The following CLSTN2 variants were observed in gnomAD, a reference collection of about 807,000 sequenced individuals.
CLSTN2 encodes the protein calsyntenin-2.
In CLSTN2, 48 loss-of-function variants were observed where a neutral mutation model predicts 101.2. That is an observed-to-expected ratio of 0.47 (90% CI 0.38 to 0.60). The LOEUF is 0.60. Among genes scored for constraint, CLSTN2 ranks in the 20% least tolerant of loss-of-function variants. CLSTN2 has a pLI of 0.00. For synonymous variants in CLSTN2, 481 were observed against 463.6 expected (o/e 1.04, Z -0.48); for missense variants, 1,160 against 1,238.2 (o/e 0.94, Z 0.95).
chr3:140,439,157 G>A (rs2088717778), intron 5 of CLSTN2, among the ~76,000 whole-genome samples: 1 of 152,230 alleles, frequency 6.6e-6, no homozygotes, highest in Non-Finnish European at 1.5e-5. Flanking sequence ...CATGGGGAAG[G>A]CCAAAGCCTT....
At chr3:140,222,404 G>A (rs1158147538) in intron 2 of CLSTN2, among the ~76,000 whole-genome samples, 3 of 152,110 alleles carry the variant, frequency 2.0e-5, no homozygotes, top group South Asian at 2.1e-4. Context: ...ATAAGGCCTA[G>A]TATTTGATAG....
chr3:140,499,388 C>T (rs1337881910), intron 8 of CLSTN2, among the ~76,000 whole-genome samples: 3 of 152,228 alleles, frequency 2.0e-5, no homozygotes, highest in Non-Finnish European at 1.5e-5. Context: ...TACTTACTGT[C>T]TTCAAGGACC....
intron 2 of CLSTN2, among the ~76,000 whole-genome samples, chr3:140,229,862 G>A (rs1419090096): frequency 6.6e-6 from 1 of 152,114 alleles, no homozygotes; most frequent in Non-Finnish European, 1.5e-5. Flanking sequence ...AGGAGATGTT[G>A]AGCTTTCAGT....
intron 5 of CLSTN2, among the ~76,000 whole-genome samples, chr3:140,422,901 G>A (rs1422978485): frequency 6.6e-6 from 1 of 152,222 alleles, no homozygotes; most frequent in Non-Finnish European, 1.5e-5. Flanking sequence ...ATGAATGAAT[G>A]AAAGAAAAGG....
intron 1 of CLSTN2, among the ~76,000 whole-genome samples, chr3:140,044,946 G>A (rs546304609): frequency 2.0e-5 from 3 of 152,256 alleles, no homozygotes; most frequent in East Asian, 3.9e-4. Context: ...ATTTTATTGA[G>A]GATTTTTGCA....
intron 6 of CLSTN2, among the ~76,000 whole-genome samples, chr3:140,457,819 C>T (rs533145871): frequency 2.4e-4 from 36 of 152,294 alleles, no homozygotes; most frequent in African/African-American, 8.2e-4. Flanking sequence ...CTAGGAAATA[C>T]TCATGTAAAT....
intron 1 of CLSTN2, among the ~76,000 whole-genome samples, chr3:140,057,756 A>G (rs1466071367): frequency 1.3e-5 from 2 of 152,186 alleles, no homozygotes; most frequent in Admixed American, 6.5e-5. Context: ...CCCAATTATC[A>G]CTGCGGCTAT....
chr3:140,018,245 C>G (rs555734843), intron 1 of CLSTN2, among the ~76,000 whole-genome samples: 1 of 152,154 alleles, frequency 6.6e-6, no homozygotes, highest in Non-Finnish European at 1.5e-5. Context: ...TTCATATTTA[C>G]TTAATGGTCA....
chr3:140,093,856 G>A (rs192140427), intron 1 of CLSTN2, among the ~76,000 whole-genome samples: 24 of 152,290 alleles, frequency 1.6e-4, no homozygotes, highest in African/African-American at 4.3e-4. Context: ...AGGATAAGTC[G>A]TTAAAATGAG....
chr3:140,382,746 G>A (rs1214347092), intron 2 of CLSTN2, among the ~76,000 whole-genome samples: 1 of 152,192 alleles, frequency 6.6e-6, no homozygotes, highest in African/African-American at 2.4e-5. Flanking sequence ...GCTCTGCTGA[G>A]GGCCCTCTCC....
intron 2 of CLSTN2, among the ~76,000 whole-genome samples, chr3:140,197,656 G>T (rs1253778475): frequency 6.6e-6 from 1 of 152,208 alleles, no homozygotes; most frequent in Admixed American, 6.5e-5. Flanking sequence ...TTTTTTGGTT[G>T]TCTTAATGGG....
At chr3:140,468,847 T>G (rs1224693325) in intron 8 of CLSTN2, among the ~76,000 whole-genome samples, 2 of 152,248 alleles carry the variant, frequency 1.3e-5, no homozygotes, top group Non-Finnish European at 2.9e-5. Flanking sequence ...TCCTCTAAAA[T>G]GGTCACTTCT....
intron 2 of CLSTN2, among the ~76,000 whole-genome samples, chr3:140,240,170 CTCTCTATA>C (rs1161582321): frequency 0.041 from 658 of 16,002 alleles, 22 homozygotes; most frequent in East Asian, 0.27. Context: ...CTCTCTCTCT[CTCTCTATA>C]TATATATATA....
chr3:140,441,176 CCTGGCACAAGTG>C (rs1443655887), intron 5 of CLSTN2, among the ~76,000 whole-genome samples: 2 of 152,212 alleles, frequency 1.3e-5, no homozygotes, highest in Non-Finnish European at 2.9e-5. Flanking sequence ...AGTTGTCCAA[CCTGGCACAAGTG>C]CTGGCTCTGC....
At chr3:140,412,797 A>G (rs1230501116) in intron 4 of CLSTN2, among the ~76,000 whole-genome samples, 1 of 152,226 alleles carries the variant, frequency 6.6e-6, no homozygotes, top group Non-Finnish European at 1.5e-5. Flanking sequence ...TGAACAACAA[A>G]TGGGTCAAAG....
intron 2 of CLSTN2, among the ~76,000 whole-genome samples, chr3:140,325,409 C>A (rs2087322618): frequency 1.3e-5 from 2 of 152,182 alleles, no homozygotes; most frequent in African/African-American, 2.4e-5. Context: ...TACAGTTCAC[C>A]TCACCATGGA....
intron 1 of CLSTN2, among the ~76,000 whole-genome samples, chr3:140,135,748 T>C (rs1006428646): frequency 9.9e-5 from 15 of 152,186 alleles, no homozygotes; most frequent in African/African-American, 3.6e-4. Context: ...TCGGAGTATA[T>C]GGCTCAACTA....
chr3:140,539,071 G>T (rs913686115), intron 9 of CLSTN2, among the ~76,000 whole-genome samples: 2 of 152,352 alleles, frequency 1.3e-5, no homozygotes, highest in African/African-American at 4.8e-5. Flanking sequence ...CAGGGGGCAA[G>T]GGCTAGCTGC....
intron 1 of CLSTN2, among the ~76,000 whole-genome samples, chr3:140,157,826 G>A (rs770904409): frequency 6.6e-6 from 1 of 152,166 alleles, no homozygotes; most frequent in Non-Finnish European, 1.5e-5. Context: ...GATCAAGTAA[G>A]CTTTATTCCT....
Sources: allele counts gnomAD v4.1 joint callset (sites outside exome capture counted in the v4.1 genomes callset), GRCh38; gene constraint gnomAD v4.1.1; transcripts MANE v1.5; gene names NCBI Gene and HGNC (gene_info 2026-07-23, HGNC 2026-07-21).